Variants in HIVEP3 observed in about 807,000 individuals in gnomAD.
HIVEP3 encodes HIVEP zinc finger 3.
A neutral mutation model predicts 152.8 loss-of-function variants in HIVEP3; 49 were observed. The observed-to-expected ratio is 0.32, with a 90% CI of 0.26 to 0.41. The LOEUF (loss-of-function observed/expected upper bound fraction) is 0.41. Among genes scored for constraint, HIVEP3 ranks in the 10% least tolerant of loss-of-function variants. The pLI is 1.00. For missense variants in HIVEP3, 2,790 were observed against 3,103.3 expected (o/e 0.90, Z 2.40); for synonymous variants, 1,269 against 1,289.0 (o/e 0.98, Z 0.33).
At position 41,511,695 on chromosome 1, in the gene HIVEP3, C is replaced by A. The variant is rs1642419593; in HGVS notation, c.6406-429G>T. Among the ~76,000 whole-genome samples, 1 of 152,184 alleles carries A rather than the reference C, an allele frequency of 6.6e-6. No homozygotes were observed. The highest frequency in any genetic ancestry group is 1.9e-4 in the East Asian group (1 of 5,206). On this transcript the variant is annotated intron_variant, in intron 8 of 8. Transcript: ENST00000372583. This position sits in a 1 kb window ranked among gnomAD's most constrained non-coding sequence, Gnocchi z 4.9. ...GAGGCTCTTTGCCCTTCTGCTACCT[C>A]CAGGAATTTGAATGTGAACCCAAAA... is the stretch of plus-strand genomic sequence containing the variant.
At chr1:41,830,295 G>A (rs1642923392) in intron 1 of HIVEP3, among the ~76,000 whole-genome samples, 1 of 152,174 alleles carries the variant, frequency 6.6e-6, no homozygotes, top group Non-Finnish European at 1.5e-5. Flanking sequence ...GTCAGTAAAT[G>A]TCAACAAGTA....
At chr1:41,812,384 C>T (rs999971330) in intron 1 of HIVEP3, among the ~76,000 whole-genome samples, 1 of 152,126 alleles carries the variant, frequency 6.6e-6, no homozygotes, top group African/African-American at 2.4e-5. Context: ...CTGCAGTGAG[C>T]TATGACCATG....
intron 1 of HIVEP3, among the ~76,000 whole-genome samples, chr1:41,970,417 C>G (rs1645222451): frequency 1.3e-5 from 2 of 152,118 alleles, no homozygotes; most frequent in African/African-American, 4.8e-5. Flanking sequence ...AGCCATTATC[C>G]TCAGCAAACT....
rs75593117 is a variant in HIVEP3, at chr1:42,024,707, T to C, written n.119+11100A>G. On this transcript the variant is annotated intron_variant and non_coding_transcript_variant, in intron 1 of 3. Coordinates refer to the HIVEP3 transcript ENST00000489103. ...TCTTTATAAAATCCTTAATTCCTTA[T>C]AGCATCTCAGCTTTTTCCATCTGCA... Among the ~76,000 whole-genome samples, 1,856 of 152,342 alleles carry C rather than the reference T, an allele frequency of 0.012. 187 individuals are homozygous for C. The East Asian group carries it at 0.25, about 21-fold the overall frequency.
At chr1:41,564,808 GA>G (rs1234657485) in intron 5 of HIVEP3, among the ~76,000 whole-genome samples, 6 of 152,222 alleles carry the variant, frequency 3.9e-5, no homozygotes, top group Non-Finnish European at 8.8e-5. Flanking sequence ...AGATGAGGAT[GA>G]AAACCAAGGA....
At chr1:41,515,789 G>T (rs562086253) in intron 7 of HIVEP3, among the ~76,000 whole-genome samples, 1 of 152,254 alleles carries the variant, frequency 6.6e-6, no homozygotes, top group South Asian at 2.1e-4. Context: ...AGCAATAAAA[G>T]CACTCTAGGA....
chr1:41,856,523 A>C (rs1300050599), intron 1 of HIVEP3, among the ~76,000 whole-genome samples: 1 of 152,218 alleles, frequency 6.6e-6, no homozygotes, highest in Non-Finnish European at 1.5e-5. Flanking sequence ...GTTGCAGCCA[A>C]AACACAGGTG....
intron 1 of HIVEP3, among the ~76,000 whole-genome samples, chr1:41,975,650 A>G (rs1319667760): frequency 6.6e-6 from 1 of 152,270 alleles, no homozygotes; most frequent in Non-Finnish European, 1.5e-5. Flanking sequence ...ATCTGAGCAC[A>G]GTATAGTTGA....
At chr1:41,722,403 G>GCCTGCCTGCCTTCCTTCCTTCCTTCCTT (rs1553253035) in intron 1 of HIVEP3, among the ~76,000 whole-genome samples, 4 of 112,974 alleles carry the variant, frequency 3.5e-5, no homozygotes, top group African/African-American at 1.5e-4. Flanking sequence ...AATTTGGCTG[G>GCCTGCCTGCCTTCCTTCCTTCCTTCCTT]CCTTCCTTCC....
chr1:41,621,521 G>T (rs1009445239), intron 3 of HIVEP3, among the ~76,000 whole-genome samples: 1 of 152,156 alleles, frequency 6.6e-6, no homozygotes, highest in Non-Finnish European at 1.5e-5. Flanking sequence ...CTTTTGTTTT[G>T]TTTTGTTTTT....
intron 1 of HIVEP3, among the ~76,000 whole-genome samples, chr1:41,820,440 G>A (rs1642560326): frequency 6.6e-6 from 1 of 152,030 alleles, no homozygotes; most frequent in African/African-American, 2.4e-5. Context: ...AATACATGTT[G>A]TCCCCATAGA....
At chr1:41,996,245 T>C (rs1287069452) in intron 1 of HIVEP3, among the ~76,000 whole-genome samples, 1 of 151,798 alleles carries the variant, frequency 6.6e-6, no homozygotes, top group Non-Finnish European at 1.5e-5. Context: ...AAAAAATAGC[T>C]GAGCGTGGTG....
intron 1 of HIVEP3, among the ~76,000 whole-genome samples, chr1:41,788,805 G>A (rs534855507): frequency 9.8e-5 from 15 of 152,360 alleles, no homozygotes; most frequent in African/African-American, 3.4e-4. Flanking sequence ...GTGGAAAGGA[G>A]GGGTCATGTC....
At position 41,584,654 on chromosome 1, in the gene HIVEP3, G is replaced by A. The variant is rs781555737; in HGVS notation, c.144C>T (p.Ser48=). Reference sequence around the variant, plus strand: ...GCGGGGCTAAGAGCTCTTGGGCGGGGCTCTCTTGGGTGGCAGCTGTGCCGC... The same window carrying A: ...GCGGGGCTAAGAGCTCTTGGGCGGGACTCTCTTGGGTGGCAGCTGTGCCGC... ...PGSGTAATQE[S]PAQELLAPQP... Residue 48 remains serine (S), a synonymous_variant, in exon 4 of 9, where the codon AGC becomes AGT. Coordinates refer to ENST00000372583, the MANE Select transcript of HIVEP3 (RefSeq NM_024503.5). The surrounding 1 kb of genome is among the most constrained non-coding windows in gnomAD (Gnocchi z 5.2). 1.3e-6 allele frequency: 2 copies of A among 1,595,658 alleles called. No homozygotes were observed. Among genetic ancestry groups the A allele is most frequent in the South Asian group, 2.3e-5 (2 of 88,230 alleles).
intron 1 of HIVEP3, among the ~76,000 whole-genome samples, chr1:41,718,774 CCACACACACACACACA>C (rs3064313): frequency 1.3e-5 from 2 of 148,444 alleles, no homozygotes; most frequent in African/African-American, 5.0e-5. Context: ...TCTTTCACAC[CCACACACACACACACA>C]CACACACGTG....
chr1:41,844,706 C>T (rs535723706), intron 1 of HIVEP3, among the ~76,000 whole-genome samples: 1 of 152,344 alleles, frequency 6.6e-6, no homozygotes, highest in African/African-American at 2.4e-5. Flanking sequence ...CTTAGTCCAC[C>T]CTCTACAACA....
At position 41,901,678 on chromosome 1, in the gene HIVEP3, C is replaced by T. The variant is rs1479003575; in HGVS notation, c.-801+16735G>A. ...ACAATGTCACTGGCATTTATTAAGA[C>T]GCAGGTCAGAGGTGCTCTTTTCAGG... On this transcript the variant is annotated intron_variant, in intron 1 of 8. Transcript: ENST00000372583. Among the ~76,000 whole-genome samples the T allele has an allele frequency of 6.6e-5, 10 of 152,270 alleles. No individual in the cohort carries two copies. The Middle Eastern group carries it at 0.02, about 311-fold the overall frequency.
chr1:41,648,973 G>A (rs116721625), intron 2 of HIVEP3, among the ~76,000 whole-genome samples: 323 of 152,376 alleles, frequency 2.1e-3, no homozygotes, highest in African/African-American at 7.4e-3. Context: ...AGTGCTCAGA[G>A]CCTCTGCGTC....
At chr1:41,746,945 G>C (rs1049854266) in intron 1 of HIVEP3, among the ~76,000 whole-genome samples, 15 of 152,142 alleles carry the variant, frequency 9.9e-5, no homozygotes, top group African/African-American at 2.9e-4. Context: ...AGGAGGGCCA[G>C]CATGTGACCT....
Sources: allele counts gnomAD v4.1 joint callset (sites outside exome capture counted in the v4.1 genomes callset), GRCh38; gene constraint gnomAD v4.1.1; non-coding constraint Gnocchi (gnomAD v3.1); transcripts MANE v1.5; gene names NCBI Gene and HGNC (gene_info 2026-07-23, HGNC 2026-07-21).